The following ASIC2 variants were observed in gnomAD, a reference collection of about 807,000 sequenced individuals.
The protein encoded by ASIC2 is acid sensing ion channel subunit 2, also known as acid-sensing ion channel 2.
In ASIC2, 25 loss-of-function variants were observed where a neutral mutation model predicts 57.3. The observed-to-expected ratio is 0.44, with a 90% CI of 0.32 to 0.61. ASIC2 has a LOEUF of 0.61. Ranked by LOEUF, ASIC2 falls within the 20% of genes least tolerant of loss-of-function variation. The pLI, the probability that ASIC2 is intolerant of heterozygous loss-of-function variation, is 0.06. For synonymous variants in ASIC2, 319 were observed against 307.5 expected (o/e 1.04, Z -0.39); for missense variants, 641 against 738.1 (o/e 0.87, Z 1.52).
intron 1 of ASIC2, among the ~76,000 whole-genome samples, chr17:33,850,015 G>A (rs78092660): frequency 0.16 from 23,865 of 152,140 alleles, 2,298 homozygotes; most frequent in South Asian, 0.24. Flanking sequence ...CTATGTTAAA[G>A]GTATGTTGTT....
intron 1 of ASIC2, among the ~76,000 whole-genome samples, chr17:33,948,463 T>A (rs1253253270): frequency 6.6e-6 from 1 of 152,082 alleles, no homozygotes; most frequent in African/African-American, 2.4e-5. Context: ...GACCTTAAGG[T>A]CACCTAATCC....
chr17:33,413,786 G>C (rs1390958266), intron 1 of ASIC2, among the ~76,000 whole-genome samples: 1 of 152,188 alleles, frequency 6.6e-6, no homozygotes, highest in African/African-American at 2.4e-5. Context: ...GACCCCCTGA[G>C]ACTGGATCAG....
At chr17:33,993,338 A>G (rs1597965840) in intron 1 of ASIC2, among the ~76,000 whole-genome samples, 3 of 152,188 alleles carry the variant, frequency 2.0e-5, no homozygotes, top group Admixed American at 2.0e-4. Flanking sequence ...CATTTAAGAG[A>G]CAGCATCTTG....
chr17:33,389,710 C>G (rs1909822144), intron 1 of ASIC2, among the ~76,000 whole-genome samples: 1 of 152,192 alleles, frequency 6.6e-6, no homozygotes, highest in Non-Finnish European at 1.5e-5. Context: ...TAGCCCCTGA[C>G]AAGAATATTC....
intron 1 of ASIC2, chr17:34,041,280 CAGA>C (rs1305484616): frequency 2.6e-5 from 4 of 152,160 alleles, no homozygotes; most frequent in African/African-American, 7.2e-5. Context: ...GGGTCGGAGG[CAGA>C]AGAAGAGACT....
intron 3 of ASIC2, among the ~76,000 whole-genome samples, chr17:33,030,576 G>A (rs1269657093): frequency 6.6e-6 from 1 of 152,124 alleles, no homozygotes; most frequent in Non-Finnish European, 1.5e-5. Flanking sequence ...AAACTGGAGA[G>A]AGAGGATATC....
chr17:33,599,196 G>T (rs544494190), intron 1 of ASIC2, among the ~76,000 whole-genome samples: 1 of 152,320 alleles, frequency 6.6e-6, no homozygotes, highest in Admixed American at 6.5e-5. Context: ...GTGAAACCTT[G>T]GTGTGCATGG....
At chr17:33,049,230 C>A (rs1417258195) in intron 3 of ASIC2, among the ~76,000 whole-genome samples, 1 of 152,184 alleles carries the variant, frequency 6.6e-6, no homozygotes, top group Non-Finnish European at 1.5e-5. Context: ...ACAGTGACTT[C>A]TTTGTCAATA....
intron 1 of ASIC2, among the ~76,000 whole-genome samples, chr17:34,083,401 T>C (rs1909973841): frequency 6.6e-6 from 1 of 151,860 alleles, no homozygotes; most frequent in Admixed American, 6.6e-5. Context: ...ATGTGCCACA[T>C]TTTCTTAATC....
At chr17:33,360,229 GA>G (rs2141930382) in intron 1 of ASIC2, among the ~76,000 whole-genome samples, 1 of 152,304 alleles carries the variant, frequency 6.6e-6, no homozygotes, top group South Asian at 2.1e-4. Flanking sequence ...CATTTAAAAA[GA>G]AAGTCAATTT....
At chr17:33,289,591 T>C (rs1905334879) in intron 1 of ASIC2, among the ~76,000 whole-genome samples, 1 of 152,210 alleles carries the variant, frequency 6.6e-6, no homozygotes. Flanking sequence ...GGTTTCTGTG[T>C]AATGCAATTA....
chr17:33,348,123 G>T (rs1908026132), intron 1 of ASIC2, among the ~76,000 whole-genome samples: 1 of 152,088 alleles, frequency 6.6e-6, no homozygotes, highest in Non-Finnish European at 1.5e-5. Context: ...AACAAAAATG[G>T]ATTGTTGGAG....
intron 1 of ASIC2, among the ~76,000 whole-genome samples, chr17:33,516,373 T>G (rs1224503139): frequency 1.3e-5 from 2 of 148,772 alleles, no homozygotes; most frequent in Non-Finnish European, 3.0e-5. Context: ...AGTGTGAGTG[T>G]GAATGTGTGT....
At chr17:33,614,429 G>T (rs545986765) in intron 1 of ASIC2, among the ~76,000 whole-genome samples, 1 of 152,216 alleles carries the variant, frequency 6.6e-6, no homozygotes, top group Admixed American at 6.5e-5. Flanking sequence ...TTCTTCCTTA[G>T]ACTGAGCCAA....
rs535104296 is a variant in ASIC2, at chr17:33,695,795, T to C, written c.555+460183A>G. Among the ~76,000 whole-genome samples, 110 of 152,358 alleles carry C rather than the reference T, an allele frequency of 7.2e-4. 1 individual carries two copies. Among genetic ancestry groups the C allele is most frequent in the African/African-American group, 2.5e-3 (103 of 41,576 alleles). ...AATTAGGAACATAAATTTAATGTCA[T>C]TCTTCCTAGTCCACAGTTTTTAATA... On this transcript the variant is annotated intron_variant, in intron 1 of 9. Transcript: ENST00000359872.
rs573000394 is a variant in ASIC2 at position 33,479,311 on chromosome 17, T to G, written c.556-367244A>C. On this transcript the variant is annotated intron_variant, in intron 1 of 9. Coordinates refer to the ASIC2 transcript ENST00000359872. ...ACCACGTCCGGCCCCTAGGAGCTTT[T>G]AAAACCATGTGTTGAGCTGTTTCTA... 1.1e-4 allele frequency among the ~76,000 whole-genome samples: 16 copies of G among 152,282 alleles called. No homozygotes were observed. The East Asian group carries it at 2.7e-3, about 26-fold the overall frequency.
At chr17:33,395,100 T>C (rs1056342536) in intron 1 of ASIC2, among the ~76,000 whole-genome samples, 1 of 150,794 alleles carries the variant, frequency 6.6e-6, no homozygotes, top group South Asian at 2.1e-4. Context: ...TTCATCTTTC[T>C]ATCCACCCAT....
At chr17:33,976,796 AC>A (rs1353779504) in intron 1 of ASIC2, 6 of 151,802 alleles carry the variant, frequency 4.0e-5, no homozygotes, top group African/African-American at 1.5e-4. Context: ...CTGCTGTGAT[AC>A]CCTTAAACAT....
At chr17:33,659,875 TAA>T (rs1907198378) in intron 1 of ASIC2, among the ~76,000 whole-genome samples, 5 of 6,192 alleles carry the variant, frequency 8.1e-4, no homozygotes, top group African/African-American at 4.5e-3. Context: ...CTGTCTCAAA[TAA>T]ATAAATAAAT....
Sources: allele counts gnomAD v4.1 joint callset (sites outside exome capture counted in the v4.1 genomes callset), GRCh38; gene constraint gnomAD v4.1.1; transcripts MANE v1.5; gene names NCBI Gene and HGNC (gene_info 2026-07-23, HGNC 2026-07-21).